The following ANAPC10 variants were observed in gnomAD, a reference collection of about 807,000 sequenced individuals.
ANAPC10 encodes the protein anaphase-promoting complex subunit 10.
Under a neutral mutation model 22.0 loss-of-function variants are expected in ANAPC10, and 12 were observed. The observed-to-expected ratio is 0.55, with a 90% confidence interval of 0.35 to 0.88. The LOEUF (loss-of-function observed/expected upper bound fraction) is 0.88, where lower values mean the gene tolerates loss of function less well. Among genes scored for constraint, ANAPC10 ranks in the 40% least tolerant of loss-of-function variants. The pLI, the probability that ANAPC10 is intolerant of heterozygous loss-of-function variation, is 0.01. For synonymous variants in ANAPC10, 65 were observed against 69.5 expected (o/e 0.94, Z 0.32); for missense variants, 188 against 220.9 (o/e 0.85, Z 0.94).
intron 3 of ANAPC10, among the ~76,000 whole-genome samples, chr4:145,078,914 T>C (rs1227855745): frequency 6.6e-6 from 1 of 152,118 alleles, no homozygotes. Context: ...AACCTACAAC[T>C]ATAAAAACCC....
chr4:145,093,950 T>C (rs577305715), intron 2 of ANAPC10, among the ~76,000 whole-genome samples: 4 of 152,292 alleles, frequency 2.6e-5, no homozygotes, highest in African/African-American at 9.6e-5. Context: ...CACAATGTCT[T>C]TTACAACCTA....
chr4:145,094,451 C>T (rs1476873644), intron 2 of ANAPC10, among the ~76,000 whole-genome samples: 1 of 152,008 alleles, frequency 6.6e-6, no homozygotes, highest in African/African-American at 2.4e-5. Context: ...GAACTGTACA[C>T]CTAAAAAGGG....
chr4:145,010,547 A>C (rs923025809), intron 4 of ANAPC10, among the ~76,000 whole-genome samples: 2 of 152,292 alleles, frequency 1.3e-5, no homozygotes, highest in African/African-American at 4.8e-5. Context: ...GGTGAAAATC[A>C]TCATTCTGAG....
chr4:145,014,890 A>C (rs759265932), intron 4 of ANAPC10, among the ~76,000 whole-genome samples: 1 of 152,146 alleles, frequency 6.6e-6, no homozygotes, highest in Non-Finnish European at 1.5e-5. Context: ...AAACGGGGAG[A>C]GTGCTACATC....
intron 4 of ANAPC10, among the ~76,000 whole-genome samples, chr4:145,000,136 G>C (rs1251366160): frequency 6.6e-6 from 1 of 152,176 alleles, no homozygotes; most frequent in African/African-American, 2.4e-5. Flanking sequence ...TCAGGACATA[G>C]GCATGGCCAA....
intron 2 of ANAPC10, among the ~76,000 whole-genome samples, chr4:145,084,337 G>A (rs989261504): frequency 6.6e-6 from 1 of 152,158 alleles, no homozygotes; most frequent in African/African-American, 2.4e-5. Context: ...GGGGCATTCA[G>A]CAAAGAGATA....
chr4:144,997,808 C>T (rs972595400), intron 4 of ANAPC10, among the ~76,000 whole-genome samples: 3 of 151,984 alleles, frequency 2.0e-5, no homozygotes, highest in African/African-American at 4.8e-5. Flanking sequence ...GAGTCAAGAC[C>T]CATCAGTGTG....
chr4:145,031,922 A>G (rs2127060833), intron 4 of ANAPC10, among the ~76,000 whole-genome samples: 1 of 152,270 alleles, frequency 6.6e-6, no homozygotes, highest in South Asian at 2.1e-4. Context: ...TGACCCATCT[A>G]ACTATAAAGT....
rs370113295 is a variant in ANAPC10 at position 145,034,523 on chromosome 4, TTA to T, written c.327+30047_327+30048del. Among the ~76,000 whole-genome samples, 95 of 91,864 alleles carry T rather than the reference TTA, an allele frequency of 1.0e-3. 2 individuals carry two copies. Among genetic ancestry groups the T allele is most frequent in the African/African-American group, 4.2e-3 (69 of 16,620 alleles). The allele number at this position is 91,864 out of a possible 152,430, so 60.3% of individuals were successfully genotyped here. A position where few individuals can be genotyped will look rare whatever the true frequency, so the allele number is the denominator to read the frequency against. ...AAGTTAACACTTAACAAACTCTCCT[TTA>T]TATATATATATATATATATGTGTGT... On this transcript the variant is annotated intron_variant, in intron 4 of 4. Transcript: ENST00000507656.
chr4:145,070,420 T>C (rs1744326024), intron 3 of ANAPC10, among the ~76,000 whole-genome samples: 1 of 152,140 alleles, frequency 6.6e-6, no homozygotes, highest in Admixed American at 6.5e-5. Flanking sequence ...ATGAAAAAAA[T>C]GCTTGATAGC....
chr4:145,032,426 G>A (rs1294713743), intron 4 of ANAPC10, among the ~76,000 whole-genome samples: 1 of 152,192 alleles, frequency 6.6e-6, no homozygotes, highest in Non-Finnish European at 1.5e-5. Context: ...AAGAAATTTA[G>A]GGAAGAGGTA....
intron 4 of ANAPC10, among the ~76,000 whole-genome samples, chr4:145,041,516 A>G (rs1036134552): frequency 6.6e-6 from 1 of 152,244 alleles, no homozygotes; most frequent in Non-Finnish European, 1.5e-5. Context: ...GTGAAGAATT[A>G]GGCTTCTTGG....
At chr4:145,072,400 A>C in intron 3 of ANAPC10, among the ~76,000 whole-genome samples, 1 of 152,240 alleles carries the variant, frequency 6.6e-6, no homozygotes. Context: ...ACATAAATCG[A>C]GAGTTGCTTA....
intron 4 of ANAPC10, chr4:145,053,563 T>C (rs1741446219): frequency 7.1e-6 from 3 of 421,702 alleles, no homozygotes. Context: ...ACGGTTTCTG[T>C]TTTGTACCAT....
chr4:145,086,304 G>C (rs777573071), intron 2 of ANAPC10, among the ~76,000 whole-genome samples: 2 of 152,112 alleles, frequency 1.3e-5, no homozygotes, highest in African/African-American at 4.8e-5. Flanking sequence ...AAACAAAGAC[G>C]TATCTATGAT....
At position 145,073,294 on chromosome 4, in the gene ANAPC10, CT is replaced by C. The variant is rs1417788657; in HGVS notation, c.206+8365del. Among the ~76,000 whole-genome samples, 3 of 152,124 alleles carry C rather than the reference CT, an allele frequency of 2.0e-5. No individual in the cohort carries two copies. In the East Asian group the frequency reaches 5.8e-4, roughly 29 times the overall value. ...AAAGTATTCTATAATTGCACAAATGCTTTTTTACAAAGATACCTAAGCTGCT... is the reference window on the plus strand; with the variant it reads ...AAAGTATTCTATAATTGCACAAATGCTTTTTACAAAGATACCTAAGCTGCT... On this transcript the variant is annotated intron_variant, in intron 3 of 4. Transcript: ENST00000507656.
At chr4:145,015,571 T>C (rs1408262081) in intron 4 of ANAPC10, among the ~76,000 whole-genome samples, 2 of 152,042 alleles carry the variant, frequency 1.3e-5, no homozygotes, top group Non-Finnish European at 2.9e-5. Flanking sequence ...CACATCCAAA[T>C]ACAAGAAGCA....
intron 4 of ANAPC10, among the ~76,000 whole-genome samples, chr4:145,061,985 C>T (rs1340082404): frequency 6.6e-6 from 1 of 151,700 alleles, no homozygotes; most frequent in Admixed American, 6.6e-5. Flanking sequence ...ATCACTTGAA[C>T]CTGGGAGGCA....
chr4:145,090,126 G>A (rs576671280), intron 2 of ANAPC10, among the ~76,000 whole-genome samples: 56 of 152,210 alleles, frequency 3.7e-4, no homozygotes, highest in African/African-American at 1.2e-3. Context: ...GGCATCCAAC[G>A]AGGATTGGTA....
Sources: allele counts gnomAD v4.1 joint callset (sites outside exome capture counted in the v4.1 genomes callset), GRCh38; gene constraint gnomAD v4.1.1; transcripts MANE v1.5; gene names NCBI Gene and HGNC (gene_info 2026-07-23, HGNC 2026-07-21).